Variants in ARID1B observed in about 807,000 individuals in gnomAD.
ARID1B encodes the protein AT-rich interactive domain-containing protein 1B.
In ARID1B, 30 loss-of-function variants were observed where a neutral mutation model predicts 212.3. The ratio of observed to expected loss-of-function variants is 0.14; its 90% CI spans 0.11 to 0.19. The LOEUF is 0.19. ARID1B is among the 10% of genes least tolerant of loss of function. The pLI, the probability that ARID1B is intolerant of heterozygous loss-of-function variation, is 1.00. For missense variants in ARID1B, 2,891 were observed against 3,204.0 expected (o/e 0.90, Z 2.36); for synonymous variants, 1,402 against 1,301.7 (o/e 1.08, Z -1.66).
chr6:156,977,549 A>G (rs964902189), intron 4 of ARID1B, among the ~76,000 whole-genome samples: 2 of 152,000 alleles, frequency 1.3e-5, no homozygotes, highest in Non-Finnish European at 2.9e-5. Flanking sequence ...TAAGATGCAC[A>G]TTTTTTCTAT....
chr6:157,047,661 A>G (rs1782328198), intron 4 of ARID1B, among the ~76,000 whole-genome samples: 1 of 152,226 alleles, frequency 6.6e-6, no homozygotes, highest in East Asian at 1.9e-4. Context: ...CTCACGTGCT[A>G]TGTGTCTGAA....
At chr6:156,905,081 A>G (rs1789253510) in intron 3 of ARID1B, among the ~76,000 whole-genome samples, 3 of 152,092 alleles carry the variant, frequency 2.0e-5, no homozygotes, top group Admixed American at 2.0e-4. Flanking sequence ...AAATTTATAT[A>G]TATTTTGAAT....
At chr6:157,164,428 CTGGTGG>C (rs1791177967) in intron 8 of ARID1B, among the ~76,000 whole-genome samples, 1 of 152,152 alleles carries the variant, frequency 6.6e-6, no homozygotes, top group Non-Finnish European at 1.5e-5. Flanking sequence ...AGTCATTTGC[CTGGTGG>C]ATTTTCTATT....
chr6:157,059,848 A>G lies in ARID1B; in HGVS notation c.2248-24814A>G, dbSNP rs145816747. Among the ~76,000 whole-genome samples, 674 of 152,320 alleles carry G rather than the reference A, an allele frequency of 4.4e-3. 4 individuals are homozygous for G. The highest frequency in any genetic ancestry group is 0.015 in the African/African-American group (641 of 41,568). On this transcript the variant is annotated intron_variant, in intron 4 of 19. Coordinates refer to ENST00000636930, the MANE Select transcript of ARID1B (RefSeq NM_001374828.1). ...TACAAAATGCTTTCTAGGAGTTTAAATGAGATAGAATGCATTTTGTTTTAG... is the reference window on the plus strand; with the variant it reads ...TACAAAATGCTTTCTAGGAGTTTAAGTGAGATAGAATGCATTTTGTTTTAG...
At chr6:157,136,474 G>A (rs371448398) in intron 7 of ARID1B, among the ~76,000 whole-genome samples, 15 of 152,050 alleles carry the variant, frequency 9.9e-5, no homozygotes, top group Admixed American at 3.3e-4. Context: ...CCTTCTCACC[G>A]GTTCATTCAT....
chr6:156,776,308 A>G (rs1471718396), upstream of ARID1B: 1 of 152,242 alleles, frequency 6.6e-6, no homozygotes, highest in Non-Finnish European at 1.5e-5. Flanking sequence ...TAAAATGTTA[A>G]TAGACACCAA....
At chr6:157,002,100 C>T (rs1367810644) in intron 4 of ARID1B, among the ~76,000 whole-genome samples, 1 of 152,106 alleles carries the variant, frequency 6.6e-6, no homozygotes, top group Non-Finnish European at 1.5e-5. Context: ...AATAAATATT[C>T]GCTTTAATTT....
At chr6:157,058,512 G>T (rs113574319) in intron 4 of ARID1B, among the ~76,000 whole-genome samples, 3,097 of 152,122 alleles carry the variant, frequency 0.02, 117 homozygotes, top group African/African-American at 0.071. Context: ...TGATCCACAC[G>T]CCTCGGCATC....
chr6:156,794,985 T>C (rs975316517), intron 1 of ARID1B, among the ~76,000 whole-genome samples: 1 of 152,178 alleles, frequency 6.6e-6, no homozygotes, highest in Non-Finnish European at 1.5e-5. Context: ...GAGGGTGGCA[T>C]TGGGATTTTC....
At chr6:157,182,660 A>G (rs762062111) in intron 12 of ARID1B, among the ~76,000 whole-genome samples, 1 of 152,132 alleles carries the variant, frequency 6.6e-6, no homozygotes, top group Non-Finnish European at 1.5e-5. Flanking sequence ...CTAGGTGCCT[A>G]ATCCATTCCA....
chr6:157,203,735 C>T lies in ARID1B; in HGVS notation c.5264-131C>T. On this transcript the variant is annotated intron_variant, in intron 18 of 19. Coordinates refer to ENST00000636930, the MANE Select transcript of ARID1B (RefSeq NM_001374828.1). This position sits in a 1 kb window ranked among gnomAD's most constrained non-coding sequence, Gnocchi z 4.4. ...TCGGAAATGATCACGCTTAACTGTC[C>T]TTGAGAGCATTTGTTTAAAGTCAAT... 8.6e-7 allele frequency: 1 copy of T among 1,158,880 alleles called. No individual in the cohort carries two copies. The highest frequency in any genetic ancestry group is 1.3e-6 in the Non-Finnish European group (1 of 796,490). 71.8% of individuals were successfully genotyped at this position (1,158,880 alleles called of 1,614,324 possible).
chr6:157,004,900 T>G lies in ARID1B; in HGVS notation c.2247+69324T>G, dbSNP rs60163413. On this transcript the variant is annotated intron_variant, in intron 4 of 19. Transcript: ENST00000636930. ...TTTCTTTTTCTTCTTCTTTTTTCTT[T>G]TTTTTTTTTTTTTTTTTTTTTTTTT... Among the ~76,000 whole-genome samples the G allele has an allele frequency of 6.5e-4, 52 of 79,804 alleles. 2 individuals carry two copies. The highest frequency in any genetic ancestry group is 2.4e-3 in the African/African-American group (35 of 14,714). The allele number at this position is 79,804 out of a possible 152,430, so 52.4% of individuals were successfully genotyped here.
intron 2 of ARID1B, among the ~76,000 whole-genome samples, chr6:156,898,210 C>T (rs1238570436): frequency 6.6e-6 from 1 of 152,120 alleles, no homozygotes; most frequent in African/African-American, 2.4e-5. Flanking sequence ...ATGCAACCGT[C>T]TGGTTATATG....
At chr6:156,934,912 TTA>T (rs201495355) in intron 3 of ARID1B, among the ~76,000 whole-genome samples, 881 of 51,848 alleles carry the variant, frequency 0.017, 3 homozygotes, top group Admixed American at 0.023. Flanking sequence ...TAGTTGTTAA[TTA>T]TATATATATA....
chr6:157,022,831 TTA>T (rs1780406434), intron 4 of ARID1B: 1 of 152,214 alleles, frequency 6.6e-6, no homozygotes, highest in Admixed American at 6.5e-5. Flanking sequence ...TGATGATCCA[TTA>T]TAACAACGTA....
In ARID1B at chr6:157,056,626, A is replaced by T. The variant is rs574984152; in HGVS notation, c.2248-28036A>T. Reference sequence around the variant, plus strand: ...AGTTATGTTTGGTTATGATCTCATGAATCTTCATAGGCATGCAAATAATAG... The same window carrying T: ...AGTTATGTTTGGTTATGATCTCATGTATCTTCATAGGCATGCAAATAATAG... On this transcript the variant is annotated intron_variant, in intron 4 of 19. Transcript: ENST00000636930. Among the ~76,000 whole-genome samples the T allele has an allele frequency of 7.2e-4, 109 of 152,324 alleles. 1 individual carries two copies. Among genetic ancestry groups the T allele is most frequent in the African/African-American group, 2.5e-3 (106 of 41,572 alleles).
At chr6:156,989,944 G>T (rs1778170895) in intron 4 of ARID1B, among the ~76,000 whole-genome samples, 2 of 152,132 alleles carry the variant, frequency 1.3e-5, no homozygotes, top group Non-Finnish European at 2.9e-5. Context: ...TGATACCTTT[G>T]ATATAATTCT....
chr6:156,878,991 G>A (rs889778068), intron 2 of ARID1B, among the ~76,000 whole-genome samples: 1 of 152,230 alleles, frequency 6.6e-6, no homozygotes, highest in African/African-American at 2.4e-5. Context: ...TGGACAAAGA[G>A]GTAAAGCAGT....
chr6:157,004,388 G>A (rs375211315), intron 4 of ARID1B, among the ~76,000 whole-genome samples: 190 of 152,182 alleles, frequency 1.2e-3, no homozygotes, highest in Middle Eastern at 3.4e-3. Flanking sequence ...GCCCTGAAAT[G>A]TTAAATGAAG....
Sources: allele counts gnomAD v4.1 joint callset (sites outside exome capture counted in the v4.1 genomes callset), GRCh38; gene constraint gnomAD v4.1.1; non-coding constraint Gnocchi (gnomAD v3.1); transcripts MANE v1.5; gene names NCBI Gene and HGNC (gene_info 2026-07-23, HGNC 2026-07-21).